Variants in MED1 observed in about 807,000 individuals in gnomAD.
MED1 encodes the protein mediator complex subunit 1.
MED1 carries 17 observed loss-of-function variants against 121.3 expected under a neutral mutation model. The observed-to-expected ratio is 0.14, with a 90% confidence interval of 0.10 to 0.21. MED1 has a LOEUF of 0.21. Among genes scored for constraint, MED1 ranks in the 10% least tolerant of loss-of-function variants. MED1 has a pLI of 1.00. For missense variants in MED1, 1,558 were observed against 1,919.4 expected, an observed-to-expected ratio of 0.81 and a Z score of 3.52; for synonymous variants, 661 against 694.4, an observed-to-expected ratio of 0.95 and a Z score of 0.76.
At chr17:39,413,925 A>AAC (rs1168465403) in intron 16 of MED1, among the ~76,000 whole-genome samples, 19 of 149,594 alleles carry the variant, frequency 1.3e-4, no homozygotes, top group African/African-American at 4.7e-4. Context: ...AAAAAAAAAA[A>AAC]AAAAAAAAAA....
chr17:39,450,650 C>T (rs1263313954), intron 1 of MED1, among the ~76,000 whole-genome samples: 2 of 152,180 alleles, frequency 1.3e-5, no homozygotes, highest in African/African-American at 2.4e-5. Context: ...CTGCTGGCTG[C>T]TAATAAATAT....
Position 39,409,415 on chromosome 17 carries a change from C to T in MED1, c.2806G>A (p.Val936Ile), listed in dbSNP as rs1223134687. 1.2e-6 allele frequency: 2 copies of T among 1,614,150 alleles called. No individual in the cohort carries two copies. The highest frequency in any genetic ancestry group is 1.7e-6 in the Non-Finnish European group (2 of 1,180,038). Residue 936 changes from valine (V) to isoleucine (I), a missense_variant, in exon 17 of 17, where the codon GTA (valine) becomes ATA (isoleucine). Val to Ile is a conservative substitution (Grantham distance 29, BLOSUM62 3). This residue lies in a region of MED1 where 793 missense variants were observed against 898.2 expected (regional missense o/e 0.88). Transcript: ENST00000300651. ...GCAGGAGCTAAAGCTTTGCCGGCTACTGAAATAATACTGAAATCAACTGTG... is the reference window on the plus strand; with the variant it reads ...GCAGGAGCTAAAGCTTTGCCGGCTATTGAAATAATACTGAAATCAACTGTG... Reference protein sequence around the residue: ...ADTVDFSIISVAGKALAPADL... With the variant: ...ADTVDFSIISIAGKALAPADL...
chr17:39,405,466 T>C lies in MED1; in HGVS notation c.*2009A>G. ...ATTTTAAAAACCACATAAATTTTTT[T>C]TTTTTTCCTGCAGAAACCAACGGGA... is the stretch of plus-strand genomic sequence containing the variant. On this transcript the variant is annotated 3_prime_UTR_variant, in exon 17 of 17. Transcript: ENST00000300651. The C allele has an allele frequency of 7.1e-7, 1 of 1,400,720 alleles. No individual in the cohort carries two copies. Among genetic ancestry groups the C allele is most frequent in the Non-Finnish European group, 9.3e-7 (1 of 1,076,854 alleles). The allele number at this position is 1,400,720 out of a possible 1,614,324, so 86.8% of individuals were successfully genotyped here. A position where few individuals can be genotyped will look rare whatever the true frequency, so the allele number is the denominator to read the frequency against.
At position 39,419,848 on chromosome 17, in the gene MED1, T is replaced by C; in HGVS notation, c.1166A>G (p.Gln389Arg). 1 of 1,614,152 alleles carries C rather than the reference T, an allele frequency of 6.2e-7. No individual in the cohort carries two copies. Among genetic ancestry groups the C allele is most frequent in the Non-Finnish European group, 8.5e-7 (1 of 1,180,008 alleles). The change falls in exon 14 of 17, where the codon CAG becomes CGG. Residue 389 changes from glutamine (Q) to arginine (R), a missense_variant. By Grantham distance (43) the Gln-to-Arg change is conservative. Transcript: ENST00000300651. ...DAPLPDGRSL[Q>R]GTLVSKITFQ... Reference sequence around the variant, plus strand: ...GGTGATTTTGCTAACAAGGGTTCCCTGTAGACTTCGGCCATCTGGAAGAGG... The same window carrying C: ...GGTGATTTTGCTAACAAGGGTTCCCCGTAGACTTCGGCCATCTGGAAGAGG...
chr17:39,432,790 C>T (rs146754590), intron 7 of MED1, among the ~76,000 whole-genome samples: 7,882 of 151,610 alleles, frequency 0.052, 662 homozygotes, highest in African/African-American at 0.18. Flanking sequence ...ACTGGCCAGG[C>T]GCGGTGGCTC....
intron 3 of MED1, among the ~76,000 whole-genome samples, chr17:39,442,759 C>G (rs1419987091): frequency 1.4e-5 from 2 of 147,912 alleles, no homozygotes; most frequent in African/African-American, 5.0e-5. Context: ...TATAAAATTA[C>G]CCGGGCATGG....
chr17:39,414,970 A>G, intron 16 of MED1, 56 bp downstream of exon 16: 1 of 1,535,914 alleles, frequency 6.5e-7, no homozygotes, highest in Non-Finnish European at 9.0e-7. Flanking sequence ...GCCCTACTCA[A>G]CAACATTCTT....
At chr17:39,439,965 GGAAAGAAA>G (rs56794429) in intron 5 of MED1, among the ~76,000 whole-genome samples, 8 of 101,456 alleles carry the variant, frequency 7.9e-5, no homozygotes, top group Admixed American at 4.5e-4. Context: ...AAGGAAAGAA[GGAAAGAAA>G]GAAAGAAAGA....
At chr17:39,441,130 TAAAA>T (rs2048670885) in intron 3 of MED1, among the ~76,000 whole-genome samples, 2 of 152,100 alleles carry the variant, frequency 1.3e-5, no homozygotes, top group South Asian at 4.1e-4. Flanking sequence ...TTTTCAACCT[TAAAA>T]AAGAAAGAAA....
chr17:39,433,642 C>T (rs1489415319), intron 7 of MED1, among the ~76,000 whole-genome samples: 1 of 151,750 alleles, frequency 6.6e-6, no homozygotes, highest in Non-Finnish European at 1.5e-5. Context: ...CACCCTCAAA[C>T]TACTAGTTTG....
Position 39,409,439 on chromosome 17 carries a change from T to C in MED1, c.2782A>G (p.Thr928Ala). Residue 928 changes from threonine to alanine, a missense_variant, in exon 17 of 17, where the codon ACA becomes GCA. Coordinates refer to ENST00000300651, the MANE Select transcript of MED1 (RefSeq NM_004774.4). ...TKFKGNNQADTVDFSIISVAG... is the reference protein window; with the variant it reads ...TKFKGNNQADAVDFSIISVAG... ...ACTGAAATAATACTGAAATCAACTG[T>C]GTCGGCTTGGTTATTGCCCTTAAAC... 6.2e-7 allele frequency: 1 copy of C among 1,614,184 alleles called. No individual in the cohort carries two copies. Among genetic ancestry groups the C allele is most frequent in the East Asian group, 2.2e-5 (1 of 44,886 alleles).
chr17:39,412,555 T>C (rs1160120204), intron 16 of MED1, among the ~76,000 whole-genome samples: 2 of 150,544 alleles, frequency 1.3e-5, no homozygotes, highest in Non-Finnish European at 3.0e-5. Flanking sequence ...TTTTTTTTCT[T>C]TGAGACAGAG....
In MED1 at chr17:39,407,640, G is replaced by A. The variant is rs1428023001; in HGVS notation, c.4581C>T (p.Ser1527=). 1.9e-6 allele frequency: 3 copies of A among 1,614,132 alleles called. No homozygotes were observed. Among genetic ancestry groups the A allele is most frequent in the Non-Finnish European group, 1.7e-6 (2 of 1,180,022 alleles). Reference sequence around the variant, plus strand: ...ATTTGGACCAACTCTCTGGCTTGATGCTATGAGATTTTTTCTTGTCTCGGT... The same window carrying A: ...ATTTGGACCAACTCTCTGGCTTGATACTATGAGATTTTTTCTTGTCTCGGT... ...DKDRDKKKSH[S]IKPESWSKSP... is the part of the protein sequence containing the mutation. The change falls in exon 17 of 17, where the codon AGC becomes AGT. Residue 1527 remains serine (S), a synonymous_variant. Coordinates refer to ENST00000300651, the MANE Select transcript of MED1 (RefSeq NM_004774.4).
At chr17:39,441,548 G>A (rs2048674845) in intron 3 of MED1, among the ~76,000 whole-genome samples, 1 of 152,182 alleles carries the variant, frequency 6.6e-6, no homozygotes, top group South Asian at 2.1e-4. Context: ...GAGGCATGCG[G>A]ATCACAAGGT....
chr17:39,422,123 G>A (rs1186715359), intron 13 of MED1, among the ~76,000 whole-genome samples: 6 of 73,708 alleles, frequency 8.1e-5, no homozygotes, highest in Non-Finnish European at 1.3e-4. Context: ...GCAAGACTCC[G>A]TCTCAAAAAA....
Position 39,405,884 on chromosome 17 carries a change from G to C in MED1, c.*1591C>G. ...TATATGATGAAGTCACTCCACTTACGACATAACACACAAAGGAATCACCTG... is the reference window on the plus strand; with the variant it reads ...TATATGATGAAGTCACTCCACTTACCACATAACACACAAAGGAATCACCTG... On this transcript the variant is annotated 3_prime_UTR_variant, in exon 17 of 17. Coordinates refer to ENST00000300651, the MANE Select transcript of MED1 (RefSeq NM_004774.4). 1.0e-6 allele frequency: 1 copy of C among 984,966 alleles called. No homozygotes were observed. The highest frequency in any genetic ancestry group is 1.2e-6 in the Non-Finnish European group (1 of 829,980). The allele number at this position is 984,966 out of a possible 1,614,324, so 61.0% of individuals were successfully genotyped here.
At position 39,419,832 on chromosome 17, in the gene MED1, G is replaced by C. The variant is rs2048444492; in HGVS notation, c.1182C>G (p.Ser394Arg). The C allele has an allele frequency of 1.2e-6, 2 of 1,613,906 alleles. No individual in the cohort carries two copies. Among genetic ancestry groups the C allele is most frequent in the South Asian group, 2.2e-5 (2 of 91,084 alleles). Residue 394 changes from serine (S) to arginine (R), a missense_variant, in exon 14 of 17, where the codon AGC becomes AGG. This residue lies in a region of MED1 where 443 missense variants were observed against 532.4 expected (regional missense o/e 0.83). Transcript: ENST00000300651. Reference protein sequence around the residue: ...DGRSLQGTLVSKITFQHPGRV... With the variant: ...DGRSLQGTLVRKITFQHPGRV... ...GGCCAGGGTGCTGAAAGGTGATTTT[G>C]CTAACAAGGGTTCCCTGTAGACTTC... is the stretch of plus-strand genomic sequence containing the variant.
chr17:39,415,362 A>C, intron 14 of MED1, 23 bp from the exon 15 acceptor site: 36 of 1,579,588 alleles, frequency 2.3e-5, no homozygotes, highest in Non-Finnish European at 2.9e-5. Flanking sequence ...GAGAAAGATC[A>C]TAAAACAACC....
At chr17:39,446,509 G>A (rs1453043064) in intron 2 of MED1, among the ~76,000 whole-genome samples, 1 of 147,920 alleles carries the variant, frequency 6.8e-6, no homozygotes, top group Non-Finnish European at 1.5e-5. Flanking sequence ...TGGGCAGCCG[G>A]GCACAGTGGC....
Sources: gnomAD v4.1 joint callset for allele counts (sites outside exome capture counted in the v4.1 genomes callset) on GRCh38, gnomAD v4.1.1 for gene constraint, gnomAD v4.1.1 regional missense constraint, MANE v1.5 for transcripts, NCBI Gene and HGNC (gene_info 2026-07-23, HGNC 2026-07-21) for gene names.